SHLD1: variants seen among roughly 807,000 people sequenced by gnomAD.
SHLD1 encodes the protein RINN1-REV7-interacting novel NHEJ regulator 3.
A neutral mutation model predicts 5.5 loss-of-function variants in SHLD1; 3 were observed. That is an observed-to-expected ratio of 0.54 (90% CI 0.25 to 1.40). The LOEUF is 1.40. Ranked by LOEUF, SHLD1 falls within the 40% of genes most tolerant of loss-of-function variation. SHLD1 has a pLI of 0.15. For synonymous variants in SHLD1, 92 were observed against 94.3 expected, an observed-to-expected ratio of 0.98 and a Z score of 0.14; for missense variants, 210 against 244.4, an observed-to-expected ratio of 0.86 and a Z score of 0.94.
At chr20:5,768,769 C>T (rs1348969727) in intron 1 of SHLD1, among the ~76,000 whole-genome samples, 1 of 152,044 alleles carries the variant, frequency 6.6e-6, no homozygotes, top group Admixed American at 6.6e-5. Flanking sequence ...GTTTTAGAAC[C>T]TTTTTACATT....
At chr20:5,773,514 C>A (rs970662146) in intron 2 of SHLD1, 3 of 222,070 alleles carry the variant, frequency 1.4e-5, no homozygotes, top group East Asian at 1.0e-4. Context: ...ACTAGATTGC[C>A]GAAACATCTA....
intron 2 of SHLD1, among the ~76,000 whole-genome samples, chr20:5,844,248 G>A (rs923910573): frequency 6.6e-6 from 1 of 152,160 alleles, no homozygotes. Flanking sequence ...GATCTTCTCT[G>A]CCTATTTTCA....
chr20:5,805,468 A>G (rs1315264152), intron 2 of SHLD1, among the ~76,000 whole-genome samples: 1 of 151,950 alleles, frequency 6.6e-6, no homozygotes, highest in Non-Finnish European at 1.5e-5. Flanking sequence ...GTTTGTTTAT[A>G]TTATGAAATT....
chr20:5,822,295 T>C (rs553162774), intron 2 of SHLD1, among the ~76,000 whole-genome samples: 81 of 152,054 alleles, frequency 5.3e-4, no homozygotes, highest in African/African-American at 1.9e-3. Context: ...CCATCTCTAC[T>C]AAAAATACAG....
intron 2 of SHLD1, among the ~76,000 whole-genome samples, chr20:5,791,571 A>G (rs958405246): frequency 3.6e-4 from 54 of 151,364 alleles, no homozygotes; most frequent in Non-Finnish European, 5.9e-4. Flanking sequence ...CTCAAAAAAA[A>G]AAAAAAAAAA....
intron 1 of SHLD1, among the ~76,000 whole-genome samples, chr20:5,767,975 CTTTT>C (rs71197793): frequency 4.5e-5 from 6 of 134,676 alleles, no homozygotes; most frequent in South Asian, 2.4e-4. Flanking sequence ...GTGACGAATT[CTTTT>C]TTTTTTTTTT....
intron 2 of SHLD1, among the ~76,000 whole-genome samples, chr20:5,777,994 T>C (rs1985508361): frequency 6.6e-6 from 1 of 152,134 alleles, no homozygotes; most frequent in Admixed American, 6.5e-5. Context: ...CTTTTATATG[T>C]TTTGCCACAA....
At chr20:5,753,541 G>A (rs910430698) in intron 1 of SHLD1, among the ~76,000 whole-genome samples, 10 of 152,328 alleles carry the variant, frequency 6.6e-5, no homozygotes, top group African/African-American at 2.2e-4. Flanking sequence ...AGCTGCAAGC[G>A]TAGATAAGCA....
intron 2 of SHLD1, among the ~76,000 whole-genome samples, chr20:5,862,484 G>A (rs1256209452): frequency 6.6e-6 from 1 of 152,242 alleles, no homozygotes; most frequent in Non-Finnish European, 1.5e-5. Flanking sequence ...CTGCCATCCA[G>A]GAGTGCCCTG....
rs2087386121 is a variant in SHLD1, at chr20:5,806,952, C to A, written c.178+33909C>A. Among the ~76,000 whole-genome samples, 1 of 152,336 alleles carries A rather than the reference C, an allele frequency of 6.6e-6. No homozygotes were observed. Among genetic ancestry groups the A allele is most frequent in the Non-Finnish European group, 1.5e-5 (1 of 68,036 alleles). On this transcript the variant is annotated intron_variant, in intron 2 of 2. Transcript: ENST00000303142. This position sits in a 1 kb window ranked among gnomAD's most constrained non-coding sequence, Gnocchi z 7.6. The stretch of plus-strand genomic sequence containing the variant: ...TGAGTGGTCGTGTAACCTGTACCTG[C>A]AATCTTGGCCTTGAATTCTCATTTT...
chr20:5,863,947 C>G lies in SHLD1; in HGVS notation c.*484C>G, dbSNP rs1699231. On this transcript the variant is annotated 3_prime_UTR_variant, in exon 3 of 3. Transcript: ENST00000303142. The stretch of plus-strand genomic sequence containing the variant: ...CAGAGTCTACTTCTGGGAGAATTCA[C>G]CCTGAGAGAACATGCTTCTGTGAGA... 0.36 allele frequency: 54,733 copies of G among 153,212 alleles called. 10,693 individuals carry two copies. The highest frequency in any genetic ancestry group is 0.53 in the African/African-American group (21,833 of 41,458). The allele number at this position is 153,212 out of a possible 1,614,324, so 9.5% of individuals were successfully genotyped here.
intron 2 of SHLD1, among the ~76,000 whole-genome samples, chr20:5,775,922 G>GTTTTTTTTTTTTT: frequency 3.2e-5 from 2 of 63,476 alleles, no homozygotes; most frequent in Admixed American, 1.5e-4. Flanking sequence ...GTCAGCTCAG[G>GTTTTTTTTTTTTT]ATTTTTTTTT....
intron 2 of SHLD1, among the ~76,000 whole-genome samples, chr20:5,807,615 T>C (rs1393405318): frequency 6.6e-6 from 1 of 152,174 alleles, no homozygotes; most frequent in Non-Finnish European, 1.5e-5. Flanking sequence ...TAAAGTGATC[T>C]CCCACCTCAG....
At chr20:5,827,319 C>T (rs923833191) in intron 2 of SHLD1, among the ~76,000 whole-genome samples, 6 of 152,204 alleles carry the variant, frequency 3.9e-5, no homozygotes, top group Non-Finnish European at 8.8e-5. Context: ...CCACCTCCTG[C>T]CAGGCCTCCT....
intron 2 of SHLD1, among the ~76,000 whole-genome samples, chr20:5,805,901 T>C (rs1188763553): frequency 6.6e-6 from 1 of 152,192 alleles, no homozygotes; most frequent in East Asian, 1.9e-4. Flanking sequence ...GCGCCTGGCC[T>C]AAATTTGTGT....
chr20:5,757,078 T>C (rs1431165530), intron 1 of SHLD1, among the ~76,000 whole-genome samples: 1 of 142,878 alleles, frequency 7.0e-6, no homozygotes, highest in Non-Finnish European at 1.5e-5. Flanking sequence ...TTTCTTTTTT[T>C]TTTTTTTTTT....
At chr20:5,861,133 C>G (rs1198801371) in intron 2 of SHLD1, among the ~76,000 whole-genome samples, 2 of 152,200 alleles carry the variant, frequency 1.3e-5, no homozygotes, top group Non-Finnish European at 2.9e-5. Flanking sequence ...CATTTAGTTT[C>G]TATTTCTTCT....
At chr20:5,837,577 G>A (rs1202100794) in intron 2 of SHLD1, among the ~76,000 whole-genome samples, 3 of 151,422 alleles carry the variant, frequency 2.0e-5, no homozygotes, top group Middle Eastern at 3.4e-3. Context: ...TTGGTTTTCT[G>A]TTCCTGCATT....
intron 2 of SHLD1, among the ~76,000 whole-genome samples, chr20:5,829,427 G>A (rs185775346): frequency 1.3e-5 from 2 of 152,078 alleles, no homozygotes; most frequent in Non-Finnish European, 2.9e-5. Flanking sequence ...TTATATACTG[G>A]AGATATTGGA....
Sources: allele counts gnomAD v4.1 joint callset (sites outside exome capture counted in the v4.1 genomes callset), GRCh38; gene constraint gnomAD v4.1.1; non-coding constraint Gnocchi (gnomAD v3.1); transcripts MANE v1.5; gene names NCBI Gene and HGNC (gene_info 2026-07-23, HGNC 2026-07-21).